BCR: variants seen among roughly 807,000 people sequenced by gnomAD.
The protein encoded by BCR is breakpoint cluster region protein.
BCR carries 58 observed loss-of-function variants against 138.6 expected under a neutral mutation model. The ratio of observed to expected loss-of-function variants is 0.42; its 90% CI spans 0.34 to 0.52. The LOEUF (loss-of-function observed/expected upper bound fraction) is 0.52, where lower values mean the gene tolerates loss of function less well. Among genes scored for constraint, BCR ranks in the 20% least tolerant of loss-of-function variants. The pLI is 0.06. For synonymous variants in BCR, 786 were observed against 730.1 expected, an observed-to-expected ratio of 1.08 and a Z score of -1.23; for missense variants, 1,599 against 1,727.2, an observed-to-expected ratio of 0.93 and a Z score of 1.32.
Position 23,182,037 on chromosome 22 carries a change from C to T in BCR, c.1077C>T (p.Thr359=), listed in dbSNP as rs2146190001. 2 of 1,613,696 alleles carry T rather than the reference C, an allele frequency of 1.2e-6. No homozygotes were observed. Among genetic ancestry groups the T allele is most frequent in the South Asian group, 2.2e-5 (2 of 91,078 alleles). The stretch of plus-strand genomic sequence containing the variant: ...GCCGCGTGTCCCCAAGCCCCACCAC[C>T]TACCGCATGTTCCGGGACAAAAGCC... ...QSSRVSPSPT[T]YRMFRDKSRS... is the part of the protein sequence containing the mutation. Residue 359 remains threonine (T), a synonymous_variant, in exon 1 of 23, where the codon ACC becomes ACT. Coordinates refer to ENST00000305877, the MANE Select transcript of BCR (RefSeq NM_004327.4).
At chr22:23,248,280 G>T (rs1472561839) in intron 1 of BCR, among the ~76,000 whole-genome samples, 1 of 151,658 alleles carries the variant, frequency 6.6e-6, no homozygotes, top group Non-Finnish European at 1.5e-5. Flanking sequence ...GGAGGTGGAG[G>T]TTGCAGTGAG....
chr22:23,287,403 A>G (rs1366268299), intron 11 of BCR, 125 bp downstream of exon 11: 8 of 1,385,150 alleles, frequency 5.8e-6, no homozygotes, highest in South Asian at 1.5e-5. Flanking sequence ...GGCATGGTGC[A>G]TGCAAGCACG....
intron 1 of BCR, among the ~76,000 whole-genome samples, chr22:23,188,142 C>T (rs569001248): frequency 6.6e-6 from 1 of 152,264 alleles, no homozygotes; most frequent in South Asian, 2.1e-4. Flanking sequence ...GTACAGGCTC[C>T]TTTCCATGGA....
At chr22:23,198,552 G>A (rs906636867) in intron 1 of BCR, among the ~76,000 whole-genome samples, 10 of 152,290 alleles carry the variant, frequency 6.6e-5, no homozygotes, top group African/African-American at 9.6e-5. Context: ...GGAGGCCACC[G>A]CAGGTAAGGG....
chr22:23,235,980 G>A (rs1335845178), intron 1 of BCR, among the ~76,000 whole-genome samples: 1 of 152,232 alleles, frequency 6.6e-6, no homozygotes, highest in Non-Finnish European at 1.5e-5. Context: ...ATTTTGCAGA[G>A]ATGTGAACAT....
At chr22:23,182,362 C>A in intron 1 of BCR, 123 bp downstream of exon 1, 1 of 1,184,006 alleles carries the variant, frequency 8.4e-7, no homozygotes, top group South Asian at 1.7e-5. Context: ...ATCAGGTGCA[C>A]TTGTGGTTCA....
rs368824679 is a variant in BCR at position 23,253,858 on chromosome 22, C to T, written c.1339C>T (p.Arg447Cys). 2.5e-5 allele frequency: 41 copies of T among 1,613,040 alleles called. No individual in the cohort carries two copies. Among genetic ancestry groups the T allele is most frequent in the Non-Finnish European group, 3.2e-5 (38 of 1,180,010 alleles). ...GCAADRAEEQRRHQDGLPYID... is the reference protein window; with the variant it reads ...GCAADRAEEQCRHQDGLPYID... Reference sequence around the variant, plus strand: ...CGCTGCAGACCGGGCAGAGGAGCAGCGCCGGCACCAAGATGGGCTGCCCTA... The same window carrying T: ...CGCTGCAGACCGGGCAGAGGAGCAGTGCCGGCACCAAGATGGGCTGCCCTA... Residue 447 changes from arginine to cysteine, a missense_variant, in exon 2 of 23, where the codon CGC becomes TGC. Transcript: ENST00000305877.
intron 1 of BCR, among the ~76,000 whole-genome samples, chr22:23,207,348 A>G (rs981694197): frequency 2.0e-5 from 3 of 152,070 alleles, no homozygotes; most frequent in Admixed American, 2.0e-4. Context: ...TCTTGAATGG[A>G]CTCAAAAGGA....
chr22:23,284,238 G>C (rs1467382455), intron 9 of BCR, 140 bp downstream of exon 9: 1 of 1,323,870 alleles, frequency 7.6e-7, no homozygotes, highest in Non-Finnish European at 1.0e-6. Context: ...CCAGGCTCCA[G>C]GTTAAAGATT....
chr22:23,250,066 G>T (rs916892986), intron 1 of BCR, among the ~76,000 whole-genome samples: 8 of 152,208 alleles, frequency 5.3e-5, no homozygotes, highest in Admixed American at 4.6e-4. Flanking sequence ...CCCTCACCGG[G>T]CACTTGATTC....
intron 15 of BCR, among the ~76,000 whole-genome samples, chr22:23,293,768 G>A (rs908856627): frequency 1.3e-5 from 2 of 152,090 alleles, no homozygotes; most frequent in Non-Finnish European, 2.9e-5. Context: ...TGAAGATCTG[G>A]ACTTGGGGAC....
chr22:23,192,109 G>A (rs925484001), intron 1 of BCR, among the ~76,000 whole-genome samples: 4 of 152,182 alleles, frequency 2.6e-5, no homozygotes, highest in East Asian at 1.9e-4. Flanking sequence ...TGTGAAGACC[G>A]GACACCCCAC....
chr22:23,229,000 C>G (rs1273466984), intron 1 of BCR, among the ~76,000 whole-genome samples: 2 of 152,138 alleles, frequency 1.3e-5, no homozygotes, highest in African/African-American at 4.8e-5. Context: ...AATTAGACAT[C>G]AACATCTTTT....
chr22:23,224,615 C>T (rs1370041144), intron 1 of BCR, among the ~76,000 whole-genome samples: 1 of 152,198 alleles, frequency 6.6e-6, no homozygotes, highest in Admixed American at 6.5e-5. Flanking sequence ...GGGGCTGTAG[C>T]TCACGCCTGT....
chr22:23,209,037 T>A (rs183471039), intron 1 of BCR, among the ~76,000 whole-genome samples: 104 of 152,150 alleles, frequency 6.8e-4, no homozygotes, highest in Non-Finnish European at 1.3e-3. Flanking sequence ...GTCCTCAAGG[T>A]TCATCGGTGT....
chr22:23,265,299 C>T (rs978143914), intron 4 of BCR, among the ~76,000 whole-genome samples: 1 of 152,248 alleles, frequency 6.6e-6, no homozygotes, highest in Non-Finnish European at 1.5e-5. Context: ...GCTGAGTACT[C>T]ACGTGTGTTC....
chr22:23,188,070 G>A (rs1413063836), intron 1 of BCR, among the ~76,000 whole-genome samples: 1 of 152,200 alleles, frequency 6.6e-6, no homozygotes, highest in African/African-American at 2.4e-5. Flanking sequence ...GGTCACCTGG[G>A]CCTGGAGTTG....
intron 1 of BCR, among the ~76,000 whole-genome samples, chr22:23,207,017 A>G (rs1224021049): frequency 7.3e-6 from 1 of 137,142 alleles, no homozygotes; most frequent in Non-Finnish European, 1.5e-5. Context: ...CCAACCATCC[A>G]TCCATTCAAC....
intron 3 of BCR, 27 bp downstream of exon 3, chr22:23,261,081 G>A: frequency 6.3e-7 from 1 of 1,599,440 alleles, no homozygotes; most frequent in Middle Eastern, 1.9e-4. Flanking sequence ...GAGCTGAGCA[G>A]GGCGGGATGG....
Sources: allele counts gnomAD v4.1 joint callset (sites outside exome capture counted in the v4.1 genomes callset), GRCh38; gene constraint gnomAD v4.1.1; transcripts MANE v1.5; gene names NCBI Gene and HGNC (gene_info 2026-07-23, HGNC 2026-07-21).